Variants in AHCTF1 observed in about 807,000 individuals in gnomAD.
AHCTF1 encodes AT-hook containing transcription factor 1, also known as protein ELYS.
A neutral mutation model predicts 248.4 loss-of-function variants in AHCTF1; 24 were observed. The ratio of observed to expected loss-of-function variants is 0.10; its 90% CI spans 0.07 to 0.14. The LOEUF (loss-of-function observed/expected upper bound fraction) is 0.14, where lower values mean the gene tolerates loss of function less well. Among genes scored for constraint, AHCTF1 ranks in the 10% least tolerant of loss-of-function variants. The pLI is 1.00. For missense variants in AHCTF1, 2,206 were observed against 2,636.2 expected, an observed-to-expected ratio of 0.84 and a Z score of 3.57; for synonymous variants, 786 against 929.8, an observed-to-expected ratio of 0.85 and a Z score of 2.81.
In AHCTF1 at chr1:246,890,704, T is replaced by C. The variant is rs532376052; in HGVS notation, c.2050+252A>G. Among the ~76,000 whole-genome samples, 6 of 152,272 alleles carry C rather than the reference T, an allele frequency of 3.9e-5. No individual in the cohort carries two copies. In the South Asian group the frequency reaches 1.2e-3, roughly 32 times the overall value. ...TTGCTGAACTCATTTTCAGGAGCTA[T>C]GTTTTCTCAAATTTGCTTTCCTTCT... On this transcript the variant is annotated intron_variant, in intron 16 of 35. Coordinates refer to ENST00000648844, the MANE Select transcript of AHCTF1 (RefSeq NM_001323342.2).
chr1:246,841,883 CTGGGTTCAAG>C (rs1659892013), intron 35 of AHCTF1, among the ~76,000 whole-genome samples: 1 of 151,972 alleles, frequency 6.6e-6, no homozygotes, highest in African/African-American at 2.4e-5. Flanking sequence ...CCTCCGCCTC[CTGGGTTCAAG>C]TGATTCTGCC....
At chr1:246,845,825 T>C (rs766507698) in intron 33 of AHCTF1, among the ~76,000 whole-genome samples, 1 of 152,130 alleles carries the variant, frequency 6.6e-6, no homozygotes, top group Non-Finnish European at 1.5e-5. Context: ...GAGCTCTGAT[T>C]TGCAGCATTT....
intron 3 of AHCTF1, among the ~76,000 whole-genome samples, chr1:246,915,040 C>T (rs1308131679): frequency 6.6e-6 from 1 of 152,196 alleles, no homozygotes; most frequent in Non-Finnish European, 1.5e-5. Flanking sequence ...CTTAAAATTA[C>T]TTCACCACTG....
chr1:246,855,757 G>C lies in AHCTF1; in HGVS notation c.4327C>G (p.Pro1443Ala). The C allele has an allele frequency of 1.2e-6, 2 of 1,612,778 alleles. No individual in the cohort carries two copies. Among genetic ancestry groups the C allele is most frequent in the Non-Finnish European group, 1.7e-6 (2 of 1,179,338 alleles). Residue 1443 changes from proline to alanine, a missense_variant, in exon 31 of 36, where the codon CCT (proline) becomes GCT (alanine). Physicochemically the swap from Pro to Ala is conservative, Grantham distance 27 (BLOSUM62 -1). Around this residue, in one of 6 missense-constraint regions of AHCTF1, gnomAD observed 955 missense variants for 1,055.6 expected, o/e 0.90. Transcript: ENST00000648844. ...EGLTSVETYTPAIRANDNKSM... is the reference protein window; with the variant it reads ...EGLTSVETYTAAIRANDNKSM... ...TTATTGTCATTTGCTCTAATTGCAG[G>C]GGTGTAGGTTTCAACAGATGTTAAT...
intron 8 of AHCTF1, among the ~76,000 whole-genome samples, chr1:246,901,302 G>C (rs1161997452): frequency 6.6e-6 from 1 of 151,950 alleles, no homozygotes. Flanking sequence ...GATCGTGCAA[G>C]TGCACTCCAG....
chr1:246,892,623 A>G (rs1483235458), intron 14 of AHCTF1, among the ~76,000 whole-genome samples: 2 of 151,242 alleles, frequency 1.3e-5, no homozygotes, highest in Non-Finnish European at 2.9e-5. Flanking sequence ...GCCCGACCTA[A>G]TTTGCTTTAC....
intron 32 of AHCTF1, 30 bp from the exon 33 acceptor site, chr1:246,851,472 A>G (rs559174020): frequency 1.3e-6 from 2 of 1,550,452 alleles, no homozygotes; most frequent in East Asian, 2.3e-5. Context: ...GAGACTGGTT[A>G]AAGAATTTTA....
intron 35 of AHCTF1, 135 bp from the exon 36 acceptor site, chr1:246,841,133 G>T: frequency 2.8e-6 from 2 of 712,166 alleles, no homozygotes; most frequent in Non-Finnish European, 4.4e-6. Context: ...TGGTTTCAAG[G>T]GAACTGAAGT....
intron 33 of AHCTF1, among the ~76,000 whole-genome samples, chr1:246,846,929 T>C (rs1239943439): frequency 1.3e-5 from 2 of 152,146 alleles, no homozygotes; most frequent in East Asian, 3.9e-4. Flanking sequence ...ATTAAAAATT[T>C]TTCTTTTGTA....
rs1007754351 is a variant in AHCTF1 at position 246,907,751 on chromosome 1, T to C, written c.564A>G (p.Glu188=). The C allele has an allele frequency of 1.9e-6, 3 of 1,611,304 alleles. No homozygotes were observed. The highest frequency in any genetic ancestry group is 2.5e-6 in the Non-Finnish European group (3 of 1,179,230). ...NQNEVEASDL[E]VLTGIPAEVP... is the part of the protein sequence containing the mutation. ...CTTCAGCTGGGATACCAGTTAGAAC[T>C]TCAAGATCTAAAACCACAAATTAGA... Residue 188 remains glutamate, a synonymous_variant, in exon 5 of 36, where the codon GAA becomes GAG. Transcript: ENST00000648844.
rs1044669266 is a variant in AHCTF1, at chr1:246,931,250, G to A, written c.-8+328C>T. The A allele has an allele frequency of 3.9e-6, 6 of 1,549,514 alleles. No homozygotes were observed. In the African/African-American group the frequency reaches 6.8e-5, roughly 18 times the overall value. ...ATCGCGTGGGAGAACAGTGGGAAAG[G>A]GTCGCGGCCCCGGCCGTCCGTAAAG... On this transcript the variant is annotated intron_variant, in intron 1 of 35. Coordinates refer to ENST00000648844, the MANE Select transcript of AHCTF1 (RefSeq NM_001323342.2).
intron 23 of AHCTF1, among the ~76,000 whole-genome samples, chr1:246,876,707 G>C (rs545484245): frequency 1.3e-5 from 2 of 152,156 alleles, no homozygotes; most frequent in Non-Finnish European, 2.9e-5. Flanking sequence ...TCTTCCTCTT[G>C]TTTTCCCTGA....
In AHCTF1 at chr1:246,851,096, T is replaced by A. The variant is rs555478272; in HGVS notation, c.4910A>T (p.Gln1637Leu). The part of the protein sequence containing the change: ...VCSGENDNHG[Q>L]IANLPSAVTS... ...TACGGCAGATGGCAAATTTGCAATT[T>A]GTCCATGATTATCATTTTCCCCACT... The change falls in exon 33 of 36, where the codon CAA becomes CTA. Residue 1637 changes from glutamine (Q) to leucine (L), a missense_variant. Physicochemically the swap from Gln to Leu is moderately radical, Grantham distance 113. Transcript: ENST00000648844. The A allele has an allele frequency of 6.2e-7, 1 of 1,613,970 alleles. No individual in the cohort carries two copies. The highest frequency in any genetic ancestry group is 8.5e-7 in the Non-Finnish European group (1 of 1,179,862).
chr1:246,931,458 G>T (rs1667354140), intron 1 of AHCTF1, 120 bp downstream of exon 1: 1 of 1,084,004 alleles, frequency 9.2e-7, no homozygotes, highest in African/African-American at 1.8e-5. Flanking sequence ...GCCTAGGCCC[G>T]GCGCTCGCGG....
At position 246,873,455 on chromosome 1, in the gene AHCTF1, C is replaced by T. The variant is rs149947550; in HGVS notation, c.3088+2582G>A. 2.7e-3 allele frequency among the ~76,000 whole-genome samples: 411 copies of T among 151,648 alleles called. 2 individuals are homozygous for T. The highest frequency in any genetic ancestry group is 9.7e-3 in the African/African-American group (401 of 41,262). On this transcript the variant is annotated intron_variant, in intron 24 of 35. Transcript: ENST00000648844. The stretch of plus-strand genomic sequence containing the variant: ...CTAGTCAATTTCTCCTGCATCATAG[C>T]GAAGGGAAAGAATCCGTCCCAATAC...
chr1:246,907,591 C>T lies in AHCTF1; in HGVS notation c.724G>A (p.Gly242Ser), dbSNP rs1164828670. 10 of 1,613,740 alleles carry T rather than the reference C, an allele frequency of 6.2e-6. No homozygotes were observed. The highest frequency in any genetic ancestry group is 8.5e-6 in the Non-Finnish European group (10 of 1,179,778). ...TNQLAVGFSDGYLALWNMKSM... is the reference protein window; with the variant it reads ...TNQLAVGFSDSYLALWNMKSM... ...TTCATGTTCCAAAGTGCTAGATAGCCATCAGAAAAACCTACAGCAAGCTGA... is the reference window on the plus strand; with the variant it reads ...TTCATGTTCCAAAGTGCTAGATAGCTATCAGAAAAACCTACAGCAAGCTGA... Residue 242 changes from glycine to serine, a missense_variant, in exon 5 of 36, where the codon GGC becomes AGC. Coordinates refer to ENST00000648844, the MANE Select transcript of AHCTF1 (RefSeq NM_001323342.2).
At chr1:246,853,667 C>G (rs1660886367) in intron 31 of AHCTF1, among the ~76,000 whole-genome samples, 1 of 149,476 alleles carries the variant, frequency 6.7e-6, no homozygotes, top group Non-Finnish European at 1.5e-5. Flanking sequence ...GAGGAACATG[C>G]AATCTGGGCT....
intron 33 of AHCTF1, 109 bp downstream of exon 33, chr1:246,849,506 G>C: frequency 7.1e-7 from 1 of 1,411,514 alleles, no homozygotes; most frequent in Non-Finnish European, 9.5e-7. Flanking sequence ...TTTGGTTTGA[G>C]GGGGGAAGGG....
Position 246,842,652 on chromosome 1 carries a change from C to CTCAA in AHCTF1, c.6608+38_6608+41dup, listed in dbSNP as rs573434409. 1.4e-4 allele frequency: 213 copies of CTCAA among 1,535,156 alleles called. No homozygotes were observed. In the Admixed American group the frequency reaches 1.9e-3, roughly 14 times the overall value. On this transcript the variant is annotated intron_variant, in intron 35 of 35. Coordinates refer to ENST00000648844, the MANE Select transcript of AHCTF1 (RefSeq NM_001323342.2). ...TAGGGTGGGGACAGAGCGAGACTGT[C>CTCAA]TCAATCAATCAATCAATCAAGAACA... is the stretch of plus-strand genomic sequence containing the variant.
Sources: gnomAD v4.1 joint callset for allele counts (sites outside exome capture counted in the v4.1 genomes callset) on GRCh38, gnomAD v4.1.1 for gene constraint, gnomAD v4.1.1 regional missense constraint, MANE v1.5 for transcripts, NCBI Gene and HGNC (gene_info 2026-07-23, HGNC 2026-07-21) for gene names.